The following LMO3 variants were observed in gnomAD, a reference collection of about 807,000 sequenced individuals.
LMO3 encodes the protein LIM domain only protein 3.
Under a neutral mutation model 15.8 loss-of-function variants are expected in LMO3, and 2 were observed. The observed-to-expected ratio is 0.13, with a 90% confidence interval of 0.05 to 0.40. LMO3 has a LOEUF of 0.40. LMO3 is among the 10% of genes least tolerant of loss of function. The pLI, the probability that LMO3 is intolerant of heterozygous loss-of-function variation, is 0.99. For synonymous variants in LMO3, 62 were observed against 63.8 expected (o/e 0.97, Z 0.13); for missense variants, 86 against 182.2 (o/e 0.47, Z 3.04).
Position 16,596,249 on chromosome 12 carries a change from T to G in LMO3, c.206+4406A>C, listed in dbSNP as rs1474160959. 6.6e-6 allele frequency among the ~76,000 whole-genome samples: 1 copy of G among 151,590 alleles called. No homozygotes were observed. Among genetic ancestry groups the G allele is most frequent in the African/African-American group, 2.4e-5 (1 of 41,406 alleles). On this transcript the variant is annotated intron_variant, in intron 2 of 3. Transcript: ENST00000537304. The surrounding 1 kb of genome is among the most constrained non-coding windows in gnomAD (Gnocchi z 4.3). ...ATAGCAAGCTTCAAATCATTTTAGT[T>G]AATTAGCAACTATGGTGAAGCATGA...
Position 16,596,272 on chromosome 12 carries a change from T to C in LMO3, c.206+4383A>G, listed in dbSNP as rs1341578391. Among the ~76,000 whole-genome samples, 1 of 151,554 alleles carries C rather than the reference T, an allele frequency of 6.6e-6. No individual in the cohort carries two copies. The highest frequency in any genetic ancestry group is 6.6e-5 in the Admixed American group (1 of 15,182). Reference sequence around the variant, plus strand: ...GTTAATTAGCAACTATGGTGAAGCATGAAGCATCACTCTTTCCCAGTAGTT... The same window carrying C: ...GTTAATTAGCAACTATGGTGAAGCACGAAGCATCACTCTTTCCCAGTAGTT... On this transcript the variant is annotated intron_variant, in intron 2 of 3. Transcript: ENST00000537304. This position sits in a 1 kb window ranked among gnomAD's most constrained non-coding sequence, Gnocchi z 4.3.
chr12:16,607,088 T>C (rs1264259331), upstream of LMO3: 3 of 152,288 alleles, frequency 2.0e-5, no homozygotes, highest in South Asian at 4.1e-4. Context: ...TGACTTCCAT[T>C]CATGAACTCT....
intron 1 of LMO3, chr12:16,605,403 C>T: frequency 8.3e-7 from 1 of 1,205,136 alleles, no homozygotes; most frequent in Non-Finnish European, 1.0e-6. Flanking sequence ...CAGGGACCTT[C>T]CCTCTTCTAG....
chr12:16,576,813 T>A lies in LMO3; in HGVS notation c.207-16275A>T, dbSNP rs991217739. ...GTACCATCTATTTTTAAATACCATT[T>A]TAAATTCAGTGTACAATGGACATAA... On this transcript the variant is annotated intron_variant, in intron 2 of 3. Transcript: ENST00000537304. This position sits in a 1 kb window ranked among gnomAD's most constrained non-coding sequence, Gnocchi z 4.1. Among the ~76,000 whole-genome samples, 1 of 152,224 alleles carries A rather than the reference T, an allele frequency of 6.6e-6. No homozygotes were observed. Among genetic ancestry groups the A allele is most frequent in the Non-Finnish European group, 1.5e-5 (1 of 68,042 alleles).
rs1411501649 is a variant in LMO3, at chr12:16,604,903, C to T, written c.-9+1163G>A. ...CTTTTTCTGCATGAGTTGACTTAGGCGTGTCTGAGTTGCAGCAGCTTCGCA... is the reference window on the plus strand; with the variant it reads ...CTTTTTCTGCATGAGTTGACTTAGGTGTGTCTGAGTTGCAGCAGCTTCGCA... On this transcript the variant is annotated intron_variant, in intron 1 of 3. Transcript: ENST00000537304. The surrounding 1 kb of genome is among the most constrained non-coding windows in gnomAD (Gnocchi z 5.3). 6.3e-7 allele frequency: 1 copy of T among 1,598,460 alleles called. No homozygotes were observed. The highest frequency in any genetic ancestry group is 2.2e-5 in the East Asian group (1 of 44,874).
In LMO3 at chr12:16,582,339, A is replaced by G. The variant is rs896743693; in HGVS notation, c.206+18316T>C. 4.6e-5 allele frequency among the ~76,000 whole-genome samples: 7 copies of G among 152,182 alleles called. No individual in the cohort carries two copies. Among genetic ancestry groups the G allele is most frequent in the African/African-American group, 1.7e-4 (7 of 41,458 alleles). ...TAGAAAACATCTTACCTGTTCCTAT[A>G]GTATTATTCATTTTAGACAGTGACA... On this transcript the variant is annotated intron_variant, in intron 2 of 3. Transcript: ENST00000537304. This position sits in a 1 kb window ranked among gnomAD's most constrained non-coding sequence, Gnocchi z 4.1.
rs1382575120 is a variant in LMO3 at position 16,586,550 on chromosome 12, A to G, written c.206+14105T>C. Among the ~76,000 whole-genome samples the G allele has an allele frequency of 6.6e-6, 1 of 152,162 alleles. No homozygotes were observed. Among genetic ancestry groups the G allele is most frequent in the Non-Finnish European group, 1.5e-5 (1 of 68,034 alleles). On this transcript the variant is annotated intron_variant, in intron 2 of 3. Coordinates refer to ENST00000537304, the MANE Select transcript of LMO3 (RefSeq NM_018640.5). This position sits in a 1 kb window ranked among gnomAD's most constrained non-coding sequence, Gnocchi z 4.3. Reference sequence around the variant, plus strand: ...GTATAATATTGTCAGATTCAGGCCAACTGAATTCTGGAGGACATATGCAAA... The same window carrying G: ...GTATAATATTGTCAGATTCAGGCCAGCTGAATTCTGGAGGACATATGCAAA...
chr12:16,560,276 T>C lies in LMO3; in HGVS notation c.332+137A>G, dbSNP rs551516164. 6 of 877,836 alleles carry C rather than the reference T, an allele frequency of 6.8e-6. No homozygotes were observed. In the East Asian group the frequency reaches 1.1e-4, roughly 16 times the overall value. 54.4% of individuals were successfully genotyped at this position (877,836 alleles called of 1,614,324 possible). ...TCTCCTTAGTAGCTTGTCTCTGGCA[T>C]GGGATTAAAGTTTACAGAACAGAAA... is the stretch of plus-strand genomic sequence containing the variant. On this transcript the variant is annotated intron_variant, in intron 3 of 3. Coordinates refer to ENST00000537304, the MANE Select transcript of LMO3 (RefSeq NM_018640.5). The surrounding 1 kb of genome is among the most constrained non-coding windows in gnomAD (Gnocchi z 5.0).
intron 2 of LMO3, among the ~76,000 whole-genome samples, chr12:16,590,343 G>A (rs918987304): frequency 8.6e-5 from 13 of 151,950 alleles, no homozygotes; most frequent in Admixed American, 2.6e-4. Flanking sequence ...TGTAATTCAC[G>A]AAATTGTTTT....
In LMO3 at chr12:16,549,566, A is replaced by G. The variant is rs975192133; in HGVS notation, c.*1656T>C. On this transcript the variant is annotated 3_prime_UTR_variant, in exon 4 of 4. Coordinates refer to ENST00000537304, the MANE Select transcript of LMO3 (RefSeq NM_018640.5). ...CATTTAATTTTCATCTGTAATGCAT[A>G]TATTGGAAGGACAAAATATATATGC... is the stretch of plus-strand genomic sequence containing the variant. 1.3e-5 allele frequency: 2 copies of G among 152,590 alleles called. No homozygotes were observed. Among genetic ancestry groups the G allele is most frequent in the Non-Finnish European group, 2.9e-5 (2 of 68,004 alleles). 9.5% of individuals were successfully genotyped at this position (152,590 alleles called of 1,614,324 possible).
At chr12:16,556,706 G>A (rs1942205142) in intron 3 of LMO3, among the ~76,000 whole-genome samples, 1 of 152,138 alleles carries the variant, frequency 6.6e-6, no homozygotes, top group African/African-American at 2.4e-5. Context: ...GGAGACTGAA[G>A]CAAACTTCAG....
chr12:16,568,192 C>G (rs1031669967), intron 2 of LMO3, among the ~76,000 whole-genome samples: 1 of 152,158 alleles, frequency 6.6e-6, no homozygotes, highest in Non-Finnish European at 1.5e-5. Flanking sequence ...CTACACAAGA[C>G]TTGTAAGAAC....
intron 2 of LMO3, among the ~76,000 whole-genome samples, chr12:16,564,484 A>G (rs1005823773): frequency 6.6e-6 from 1 of 152,204 alleles, no homozygotes; most frequent in Non-Finnish European, 1.5e-5. Flanking sequence ...CTCAAGACAT[A>G]TACTCATTTA....
At chr12:16,600,963 G>A (rs1943804201) in intron 1 of LMO3, 95 bp from the exon 2 acceptor site, 2 of 939,510 alleles carry the variant, frequency 2.1e-6, no homozygotes, top group Non-Finnish European at 3.1e-6. Flanking sequence ...CCTTATTCTA[G>A]GAGTGTTAGC....
chr12:16,566,232 A>G (rs1475296898), intron 2 of LMO3, among the ~76,000 whole-genome samples: 1 of 151,468 alleles, frequency 6.6e-6, no homozygotes, highest in African/African-American at 2.4e-5. Context: ...AGTGATTACC[A>G]GAGACTGGGA....
chr12:16,564,548 C>T lies in LMO3; in HGVS notation c.207-4010G>A, dbSNP rs548087343. ...CAGGCATCAGGGGAAAATGAGTGTT[C>T]ATTGTATTAGTGTCTTTTATTTCAC... On this transcript the variant is annotated intron_variant, in intron 2 of 3. Transcript: ENST00000537304. Among the ~76,000 whole-genome samples, 29 of 152,206 alleles carry T rather than the reference C, an allele frequency of 1.9e-4. No individual in the cohort carries two copies. The South Asian group carries it at 6.0e-3, about 32-fold the overall frequency.
rs1943369477 is a variant in LMO3 at position 16,587,849 on chromosome 12, G to A, written c.206+12806C>T. Among the ~76,000 whole-genome samples, 2 of 152,054 alleles carry A rather than the reference G, an allele frequency of 1.3e-5. No homozygotes were observed. The stretch of plus-strand genomic sequence containing the variant: ...GAGAGGAACCTTGTCTCATATTAAT[G>A]CTGCCAGTAGCTATGGTATAGTGTT... On this transcript the variant is annotated intron_variant, in intron 2 of 3. Coordinates refer to ENST00000537304, the MANE Select transcript of LMO3 (RefSeq NM_018640.5). This position sits in a 1 kb window ranked among gnomAD's most constrained non-coding sequence, Gnocchi z 4.3.
Position 16,551,165 on chromosome 12 carries a change from G to T in LMO3, c.*57C>A. On this transcript the variant is annotated 3_prime_UTR_variant, in exon 4 of 4. Coordinates refer to ENST00000537304, the MANE Select transcript of LMO3 (RefSeq NM_018640.5). ...GTGTCAATTCTTATGTACATGTGGA[G>T]CAAAAAAGATAAAAGAATGTAGTGC... is the stretch of plus-strand genomic sequence containing the variant. The T allele has an allele frequency of 9.0e-7, 1 of 1,115,118 alleles. No homozygotes were observed. The highest frequency in any genetic ancestry group is 1.4e-6 in the Non-Finnish European group (1 of 726,330). The allele number at this position is 1,115,118 out of a possible 1,614,324, so 69.1% of individuals were successfully genotyped here.
chr12:16,558,462 A>T (rs972378381), intron 3 of LMO3, among the ~76,000 whole-genome samples: 4 of 152,102 alleles, frequency 2.6e-5, no homozygotes, highest in African/African-American at 9.7e-5. Context: ...TACTACTAAG[A>T]CACCTTTAAA....
Sources: gnomAD v4.1 joint callset for allele counts (sites outside exome capture counted in the v4.1 genomes callset) on GRCh38, gnomAD v4.1.1 for gene constraint, Gnocchi (gnomAD v3.1) non-coding constraint, MANE v1.5 for transcripts, NCBI Gene and HGNC (gene_info 2026-07-23, HGNC 2026-07-21) for gene names.